The following ALOX5AP variants were observed in gnomAD, a reference collection of about 807,000 sequenced individuals.
The protein encoded by ALOX5AP is arachidonate 5-lipoxygenase-activating protein.
In ALOX5AP, 9 loss-of-function variants were observed where a neutral mutation model predicts 18.5. That is an observed-to-expected ratio of 0.49 (90% CI 0.29 to 0.85). The LOEUF is 0.85. ALOX5AP is among the 40% of genes least tolerant of loss of function. ALOX5AP has a pLI of 0.08. For missense variants in ALOX5AP, 172 were observed against 202.5 expected, an observed-to-expected ratio of 0.85 and a Z score of 0.91; for synonymous variants, 81 against 78.6, an observed-to-expected ratio of 1.03 and a Z score of -0.16.
chr13:30,752,725 T>G (rs540707485), intron 3 of ALOX5AP, among the ~76,000 whole-genome samples: 2 of 152,356 alleles, frequency 1.3e-5, no homozygotes, highest in African/African-American at 2.4e-5. Context: ...CGGCATGAAC[T>G]GGCCAGCTTC....
upstream of ALOX5AP, chr13:30,735,457 A>AT: frequency 7.9e-7 from 1 of 1,264,558 alleles, no homozygotes; most frequent in Non-Finnish European, 1.0e-6. Flanking sequence ...AAAAAAAAAA[A>AT]AAGGAAGAAG....
chr13:30,717,755 G>T (rs1421954146), intron 1 of ALOX5AP, among the ~76,000 whole-genome samples: 1 of 152,096 alleles, frequency 6.6e-6, no homozygotes, highest in Non-Finnish European at 1.5e-5. Flanking sequence ...GCCTCTACAT[G>T]TTCAGCTCCC....
intron 2 of ALOX5AP, 92 bp from the exon 3 acceptor site, chr13:30,751,960 T>G: frequency 8.3e-7 from 1 of 1,209,226 alleles, no homozygotes; most frequent in Non-Finnish European, 1.2e-6. Flanking sequence ...TGCACGATGG[T>G]GATTATTAAC....
intron 1 of ALOX5AP, among the ~76,000 whole-genome samples, chr13:30,727,458 G>A (rs1162267502): frequency 6.6e-6 from 1 of 152,180 alleles, no homozygotes; most frequent in Non-Finnish European, 1.5e-5. Context: ...CTACGCTGGA[G>A]CCATGTTTCC....
chr13:30,747,462 C>T (rs1053497149), intron 2 of ALOX5AP, among the ~76,000 whole-genome samples: 5 of 152,158 alleles, frequency 3.3e-5, no homozygotes, highest in East Asian at 1.9e-4. Flanking sequence ...TGTGAGCCAC[C>T]GTGCCTGGCC....
At chr13:30,755,043 G>A (rs1210377038) in intron 3 of ALOX5AP, among the ~76,000 whole-genome samples, 1 of 152,238 alleles carries the variant, frequency 6.6e-6, no homozygotes, top group African/African-American at 2.4e-5. Flanking sequence ...CAAGCCTTCA[G>A]GACTTCATAG....
intron 4 of ALOX5AP, among the ~76,000 whole-genome samples, chr13:30,758,822 T>TCTCAC (rs1291925120): frequency 6.8e-6 from 1 of 146,284 alleles, no homozygotes; most frequent in Non-Finnish European, 1.5e-5. Flanking sequence ...CATCACCTCA[T>TCTCAC]CTCACCTCAC....
At chr13:30,723,326 C>T (rs140897913) in intron 1 of ALOX5AP, among the ~76,000 whole-genome samples, 1 of 152,306 alleles carries the variant, frequency 6.6e-6, no homozygotes, top group African/African-American at 2.4e-5. Flanking sequence ...ATGTGGATGT[C>T]CAGTTGTTCC....
rs746047394 is a variant in ALOX5AP, at chr13:30,735,548, C to G, written c.-58C>G. On this transcript the variant is annotated 5_prime_UTR_variant, in exon 1 of 5. Transcript: ENST00000380490. Reference sequence around the variant, plus strand: ...CAAGCTCTCACTTCCCCTTCCTGTACAGGGCAGGTTGTGCAGCTGGAGGCA... The same window carrying G: ...CAAGCTCTCACTTCCCCTTCCTGTAGAGGGCAGGTTGTGCAGCTGGAGGCA... 1.2e-6 allele frequency: 2 copies of G among 1,607,890 alleles called. No homozygotes were observed. Among genetic ancestry groups the G allele is most frequent in the South Asian group, 2.2e-5 (2 of 90,118 alleles).
chr13:30,717,916 A>G (rs963444538), intron 1 of ALOX5AP, among the ~76,000 whole-genome samples: 3 of 151,668 alleles, frequency 2.0e-5, no homozygotes, highest in Non-Finnish European at 4.4e-5. Flanking sequence ...CTTGACGGGC[A>G]GGTGAAAGGG....
intron 1 of ALOX5AP, among the ~76,000 whole-genome samples, chr13:30,728,882 A>G (rs1157291166): frequency 2.6e-5 from 4 of 152,146 alleles, no homozygotes; most frequent in African/African-American, 9.7e-5. Flanking sequence ...GAAACTGTCA[A>G]ACTCTTCCCA....
intron 1 of ALOX5AP, chr13:30,713,971 C>T: frequency 1.0e-6 from 1 of 974,476 alleles, no homozygotes; most frequent in South Asian, 1.7e-5. Flanking sequence ...CAGTATTGGG[C>T]AGCTAGAGTG....
intron 4 of ALOX5AP, among the ~76,000 whole-genome samples, chr13:30,757,336 C>T (rs1053113516): frequency 6.6e-6 from 1 of 152,166 alleles, no homozygotes; most frequent in African/African-American, 2.4e-5. Context: ...AGCCGGGCTG[C>T]AGCTGGAAAA....
rs578219179 is a variant in ALOX5AP, at chr13:30,738,453, G to A, written c.70+2778G>A. ...GGCCAATACTATGACATTGGCTTTT[G>A]AGAAAAGAAAGGCTTTATTGCAAGG... On this transcript the variant is annotated intron_variant, in intron 1 of 4. Transcript: ENST00000380490. 1.5e-4 allele frequency among the ~76,000 whole-genome samples: 23 copies of A among 152,320 alleles called. No individual in the cohort carries two copies. The South Asian group carries it at 4.6e-3, about 30-fold the overall frequency.
chr13:30,755,756 A>G (rs1016666583), intron 3 of ALOX5AP, among the ~76,000 whole-genome samples, 188 bp from the exon 4 acceptor site: 2 of 152,234 alleles, frequency 1.3e-5, no homozygotes, highest in African/African-American at 2.4e-5. Context: ...AAACAATGCC[A>G]TGATGCCGGC....
intron 4 of ALOX5AP, among the ~76,000 whole-genome samples, chr13:30,760,485 G>A (rs1951932779): frequency 6.6e-6 from 1 of 152,230 alleles, no homozygotes; most frequent in African/African-American, 2.4e-5. Flanking sequence ...CTTTGAGATG[G>A]GAATTATTTA....
chr13:30,740,727 G>T (rs1229043243), intron 1 of ALOX5AP, among the ~76,000 whole-genome samples: 1 of 152,174 alleles, frequency 6.6e-6, no homozygotes, highest in East Asian at 1.9e-4. Flanking sequence ...AGATCTGTGC[G>T]TGTTTCCAGG....
chr13:30,731,152 CCTTT>C (rs1175494834), upstream of ALOX5AP, among the ~76,000 whole-genome samples: 2 of 152,034 alleles, frequency 1.3e-5, no homozygotes, highest in African/African-American at 4.8e-5. Context: ...TCCTTTCTTT[CCTTT>C]CTAAGAATCT....
At chr13:30,739,202 G>GA (rs999185021) in intron 1 of ALOX5AP, among the ~76,000 whole-genome samples, 5 of 152,134 alleles carry the variant, frequency 3.3e-5, no homozygotes, top group Admixed American at 2.6e-4. Flanking sequence ...TGCGTTGTGT[G>GA]AAGAATGGCG....
Sources: gnomAD v4.1 joint callset for allele counts (sites outside exome capture counted in the v4.1 genomes callset) on GRCh38, gnomAD v4.1.1 for gene constraint, MANE v1.5 for transcripts, NCBI Gene and HGNC (gene_info 2026-07-23, HGNC 2026-07-21) for gene names.